PCDHGA6: variants seen among roughly 807,000 people sequenced by gnomAD.
The protein encoded by PCDHGA6 is protocadherin gamma subfamily A, 6.
Under a neutral mutation model 60.6 loss-of-function variants are expected in PCDHGA6, and 41 were observed. That is an observed-to-expected ratio of 0.68 (90% CI 0.53 to 0.88). PCDHGA6 has a LOEUF of 0.88. PCDHGA6 is among the 40% of genes least tolerant of loss of function. The pLI, the probability that PCDHGA6 is intolerant of heterozygous loss-of-function variation, is 0.00. For missense variants in PCDHGA6, 1,312 were observed against 1,203.0 expected (o/e 1.09, Z -1.34); for synonymous variants, 594 against 524.4 (o/e 1.13, Z -1.81).
At chr5:141,440,696 A>G (rs2098194818) in intron 1 of PCDHGA6, 1 of 152,210 alleles carries the variant, frequency 6.6e-6, no homozygotes, top group Non-Finnish European at 1.5e-5. Flanking sequence ...AAAGTGACCA[A>G]CAGTGGAAAG....
chr5:141,428,055 G>C (rs1232516220), intron 1 of PCDHGA6: 8 of 1,608,952 alleles, frequency 5.0e-6, no homozygotes, highest in African/African-American at 1.3e-5. Context: ...CAAGGTGGTG[G>C]CGGTGGACGC....
intron 1 of PCDHGA6, among the ~76,000 whole-genome samples, chr5:141,381,126 A>G (rs772022914): frequency 2.6e-5 from 4 of 152,232 alleles, no homozygotes; most frequent in Non-Finnish European, 5.9e-5. Context: ...TGTATTCTGG[A>G]GCAATGCCAC....
At chr5:141,379,728 G>A (rs1775778672) in intron 1 of PCDHGA6, 1 of 152,020 alleles carries the variant, frequency 6.6e-6, no homozygotes, top group African/African-American at 2.4e-5. Flanking sequence ...AATTTGCTAA[G>A]TTATGGCTAA....
chr5:141,406,532 G>A (rs58503510), intron 1 of PCDHGA6, among the ~76,000 whole-genome samples: 16,962 of 152,088 alleles, frequency 0.11, 1,106 homozygotes, highest in African/African-American at 0.18. Context: ...ATTTTCTGAC[G>A]AAGATTCAAA....
chr5:141,482,758 T>TGC (rs1413945459), intron 1 of PCDHGA6, among the ~76,000 whole-genome samples: 74 of 141,724 alleles, frequency 5.2e-4, no homozygotes, highest in African/African-American at 9.9e-4. Flanking sequence ...ATTATGGTAT[T>TGC]TCATTATCAC....
rs769652961 is a variant in PCDHGA6, at chr5:141,489,435, A to G, written c.2425-5372A>G. ...CAGATCTGTTGAGCCGGCGGCTGCAATTGGGCTCTGAGGAGAATGGGCGCT... is the reference window on the plus strand; with the variant it reads ...CAGATCTGTTGAGCCGGCGGCTGCAGTTGGGCTCTGAGGAGAATGGGCGCT... On this transcript the variant is annotated intron_variant, in intron 1 of 3. Coordinates refer to ENST00000517434, the MANE Select transcript of PCDHGA6 (RefSeq NM_018919.3). This position sits in a 1 kb window ranked among gnomAD's most constrained non-coding sequence, Gnocchi z 4.5. 2 of 1,614,138 alleles carry G rather than the reference A, an allele frequency of 1.2e-6. No homozygotes were observed. The highest frequency in any genetic ancestry group is 1.7e-6 in the Non-Finnish European group (2 of 1,180,024).
At chr5:141,409,030 GAT>G in intron 1 of PCDHGA6, 1 of 1,614,010 alleles carries the variant, frequency 6.2e-7, no homozygotes, top group Non-Finnish European at 8.5e-7. Context: ...TCAATGCTGA[GAT>G]AAACTACTAC....
chr5:141,390,371 T>C (rs761971479), intron 1 of PCDHGA6: 15 of 1,499,488 alleles, frequency 1.0e-5, no homozygotes, highest in Non-Finnish European at 3.6e-6. Context: ...GGAAAATATA[T>C]AATTTTTAGA....
chr5:141,430,033 C>T (rs556099456), intron 1 of PCDHGA6, among the ~76,000 whole-genome samples: 1 of 152,066 alleles, frequency 6.6e-6, no homozygotes, highest in Non-Finnish European at 1.5e-5. Context: ...AAGTGTGATT[C>T]TGATAATGTA....
intron 1 of PCDHGA6, among the ~76,000 whole-genome samples, chr5:141,439,279 CT>C (rs2098102664): frequency 6.6e-6 from 1 of 151,930 alleles, no homozygotes; most frequent in African/African-American, 2.4e-5. Flanking sequence ...CATTCTGAGA[CT>C]GTGTTCCATG....
chr5:141,427,528 A>G (rs1360860476), intron 1 of PCDHGA6: 1 of 617,748 alleles, frequency 1.6e-6, no homozygotes, highest in Non-Finnish European at 3.0e-6. Context: ...CGGATCCCGG[A>G]GTACAACGTC....
chr5:141,421,235 A>G (rs1375447356), intron 1 of PCDHGA6: 3 of 1,594,470 alleles, frequency 1.9e-6, no homozygotes, highest in East Asian at 2.2e-5. Context: ...GCCATGGCGA[A>G]TCGGCTACAG....
At chr5:141,509,758 C>T (rs574741134) in intron 3 of PCDHGA6, among the ~76,000 whole-genome samples, 17 of 152,202 alleles carry the variant, frequency 1.1e-4, no homozygotes. Flanking sequence ...CTAAAGTGTC[C>T]CTGAGATGTC....
intron 1 of PCDHGA6, chr5:141,408,243 G>T: frequency 6.3e-7 from 1 of 1,583,996 alleles, no homozygotes; most frequent in African/African-American, 1.3e-5. Context: ...GCCGGCCCGC[G>T]GCAGGTGCTA....
At chr5:141,420,494 C>T (rs978136090) in intron 1 of PCDHGA6, 6 of 499,392 alleles carry the variant, frequency 1.2e-5, no homozygotes, top group African/African-American at 2.0e-5. Flanking sequence ...GGGTAATCTC[C>T]GGTGACATTT....
chr5:141,436,902 G>A (rs2097852984), intron 1 of PCDHGA6, among the ~76,000 whole-genome samples: 1 of 152,210 alleles, frequency 6.6e-6, no homozygotes, highest in Admixed American at 6.5e-5. Flanking sequence ...TTTTATATGA[G>A]ACAATTTTGT....
chr5:141,410,847 G>GTAT, intron 1 of PCDHGA6: 2 of 158,246 alleles, frequency 1.3e-5, no homozygotes, highest in Non-Finnish European at 1.0e-5. Context: ...TTTTGTCTTT[G>GTAT]TCTTTTTTTT....
intron 1 of PCDHGA6, chr5:141,389,267 G>A: frequency 6.2e-7 from 1 of 1,614,008 alleles, no homozygotes; most frequent in African/African-American, 1.3e-5. Flanking sequence ...ACGTGGCCGA[G>A]AACAACCCGC....
chr5:141,420,918 C>T (rs2096532512), intron 1 of PCDHGA6: 1 of 331,946 alleles, frequency 3.0e-6, no homozygotes, highest in South Asian at 6.4e-5. Flanking sequence ...GTGTGATTCA[C>T]AAAGGTGAGC....
Sources: allele counts gnomAD v4.1 joint callset (sites outside exome capture counted in the v4.1 genomes callset), GRCh38; gene constraint gnomAD v4.1.1; non-coding constraint Gnocchi (gnomAD v3.1); transcripts MANE v1.5; gene names NCBI Gene and HGNC (gene_info 2026-07-23, HGNC 2026-07-21).